PCDHAC1: variants seen among roughly 807,000 people sequenced by gnomAD.
The protein encoded by PCDHAC1 is protocadherin alpha-C1.
Under a neutral mutation model 60.0 loss-of-function variants are expected in PCDHAC1, and 42 were observed. The ratio of observed to expected loss-of-function variants is 0.70; its 90% confidence interval spans 0.55 to 0.90. PCDHAC1 has a LOEUF of 0.90. PCDHAC1 is among the 40% of genes least tolerant of loss of function. The probability of loss-of-function intolerance (pLI) is 0.00; values close to 1 mark genes in which losing one functional copy is unlikely to be tolerated. For synonymous variants in PCDHAC1, 468 were observed against 499.3 expected (o/e 0.94, Z 0.84); for missense variants, 1,160 against 1,222.3 (o/e 0.95, Z 0.76).
intron 1 of PCDHAC1, chr5:140,967,277 A>G: frequency 6.2e-7 from 1 of 1,613,326 alleles, no homozygotes; most frequent in African/African-American, 1.3e-5. Context: ...TCACATAGAG[A>G]GTGCGCAGGA....
Position 140,926,588 on chromosome 5 carries a change from C to A in PCDHAC1, c.-305C>A. The A allele has an allele frequency of 3.4e-6, 1 of 293,528 alleles. No homozygotes were observed. The highest frequency in any genetic ancestry group is 5.0e-5 in the Admixed American group (1 of 19,956). The allele number at this position is 293,528 out of a possible 1,614,324, so 18.2% of individuals were successfully genotyped here. ...TACTGGAGACAGCACCTCTCGCGCC[C>A]GGGCGGGCGGCCTCGTCTCTGCACC... On this transcript the variant is annotated 5_prime_UTR_variant, in exon 1 of 4. Transcript: ENST00000253807.
chr5:140,961,155 G>A (rs1214072320), intron 1 of PCDHAC1, among the ~76,000 whole-genome samples: 2 of 152,126 alleles, frequency 1.3e-5, no homozygotes, highest in Non-Finnish European at 2.9e-5. Context: ...TATTATTTCA[G>A]TACATATCTA....
chr5:141,007,094 A>G (rs559556000), intron 3 of PCDHAC1, among the ~76,000 whole-genome samples: 1 of 152,300 alleles, frequency 6.6e-6, no homozygotes, highest in Admixed American at 6.5e-5. Context: ...AAGAGAGTCT[A>G]GGGCCAAACC....
At chr5:140,972,096 A>G (rs2096519185) in intron 1 of PCDHAC1, among the ~76,000 whole-genome samples, 1 of 152,168 alleles carries the variant, frequency 6.6e-6, no homozygotes. Context: ...AATTTCTGGC[A>G]TAGAAGCAGG....
At chr5:140,964,446 G>A (rs782155669) in intron 1 of PCDHAC1, among the ~76,000 whole-genome samples, 2 of 152,100 alleles carry the variant, frequency 1.3e-5, no homozygotes, top group Non-Finnish European at 2.9e-5. Context: ...CTCTGCCACT[G>A]TAATCTCTTC....
At chr5:140,936,833 A>G (rs186890408) in intron 1 of PCDHAC1, among the ~76,000 whole-genome samples, 1 of 152,276 alleles carries the variant, frequency 6.6e-6, no homozygotes, top group East Asian at 1.9e-4. Context: ...GCATTTCTAT[A>G]TAAATTGTAG....
chr5:140,999,066 T>G (rs2097845533), intron 3 of PCDHAC1, among the ~76,000 whole-genome samples: 1 of 152,214 alleles, frequency 6.6e-6, no homozygotes, highest in Admixed American at 6.5e-5. Flanking sequence ...CTAAGTAGTC[T>G]CCTTCACTTC....
At chr5:140,945,628 A>G (rs898111170) in intron 1 of PCDHAC1, among the ~76,000 whole-genome samples, 1 of 152,168 alleles carries the variant, frequency 6.6e-6, no homozygotes, top group Non-Finnish European at 1.5e-5. Flanking sequence ...TACTGGCATA[A>G]AAGACATGTA....
At chr5:140,954,844 C>T (rs1195160424) in intron 1 of PCDHAC1, among the ~76,000 whole-genome samples, 1 of 152,070 alleles carries the variant, frequency 6.6e-6, no homozygotes, top group African/African-American at 2.4e-5. Flanking sequence ...GAAATCTTTG[C>T]CTGTGCCTAT....
At chr5:140,949,290 G>C (rs552572317) in intron 1 of PCDHAC1, among the ~76,000 whole-genome samples, 5 of 151,900 alleles carry the variant, frequency 3.3e-5, no homozygotes, top group South Asian at 2.1e-4. Flanking sequence ...TGTATATTCT[G>C]TAATTGTTGG....
chr5:140,931,247 C>G (rs782447233), intron 1 of PCDHAC1, among the ~76,000 whole-genome samples: 4 of 152,032 alleles, frequency 2.6e-5, no homozygotes, highest in African/African-American at 4.8e-5. Flanking sequence ...CTTTTCCTAC[C>G]AAGAAATTTC....
intron 1 of PCDHAC1, among the ~76,000 whole-genome samples, chr5:140,945,249 T>C (rs1181677082): frequency 6.6e-6 from 1 of 152,050 alleles, no homozygotes; most frequent in African/African-American, 2.4e-5. Flanking sequence ...ACCAAGAGGA[T>C]GAAAGACCTG....
At chr5:140,946,872 T>C (rs983892070) in intron 1 of PCDHAC1, among the ~76,000 whole-genome samples, 7 of 151,402 alleles carry the variant, frequency 4.6e-5, no homozygotes, top group Admixed American at 1.3e-4. Flanking sequence ...GGTTGGTCAA[T>C]GGGTACGAAG....
At chr5:140,992,186 A>G (rs1436291226) in intron 3 of PCDHAC1, among the ~76,000 whole-genome samples, 1 of 152,166 alleles carries the variant, frequency 6.6e-6, no homozygotes, top group East Asian at 1.9e-4. Context: ...TCATGCTTTC[A>G]GTGATCTATC....
Position 140,941,218 on chromosome 5 carries a change from T to C in PCDHAC1, c.2433+11893T>C, listed in dbSNP as rs552463058. ...TTCTTTCTTCCTTTCTTTCTTCCTT[T>C]CTTTCTTTCTTTCTTTCTTTCTTTC... On this transcript the variant is annotated intron_variant, in intron 1 of 3. Transcript: ENST00000253807. 5.6e-5 allele frequency among the ~76,000 whole-genome samples: 7 copies of C among 125,730 alleles called. No homozygotes were observed. In the South Asian group the frequency reaches 7.6e-4, roughly 14 times the overall value. 82.5% of individuals were successfully genotyped at this position (125,730 alleles called of 152,430 possible). A position where few individuals can be genotyped will look rare whatever the true frequency, so the allele number is the denominator to read the frequency against.
At chr5:140,984,453 T>C (rs2097104309) in intron 3 of PCDHAC1, among the ~76,000 whole-genome samples, 1 of 152,254 alleles carries the variant, frequency 6.6e-6, no homozygotes, top group South Asian at 2.1e-4. Flanking sequence ...CCTTTCTTAC[T>C]GTCCCAGCCC....
intron 1 of PCDHAC1, among the ~76,000 whole-genome samples, chr5:140,945,853 A>G (rs782332952): frequency 6.6e-6 from 1 of 152,190 alleles, no homozygotes; most frequent in Non-Finnish European, 1.5e-5. Flanking sequence ...AAAGACTTAA[A>G]CATAGACCTG....
chr5:140,946,844 G>A (rs189496185), intron 1 of PCDHAC1, among the ~76,000 whole-genome samples: 5 of 151,386 alleles, frequency 3.3e-5, no homozygotes, highest in Non-Finnish European at 5.9e-5. Context: ...CAGTAGTAAG[G>A]AGGAGAGATT....
intron 1 of PCDHAC1, among the ~76,000 whole-genome samples, chr5:140,941,185 C>CTT (rs782102770): frequency 2.0e-5 from 2 of 102,242 alleles, no homozygotes; most frequent in East Asian, 7.3e-4. Context: ...CATCCTGCTT[C>CTT]TTTTTTTTTC....
Sources: allele counts gnomAD v4.1 joint callset (sites outside exome capture counted in the v4.1 genomes callset), GRCh38; gene constraint gnomAD v4.1.1; transcripts MANE v1.5; gene names NCBI Gene and HGNC (gene_info 2026-07-23, HGNC 2026-07-21).